The following DDB1 variants were observed in gnomAD, a reference collection of about 807,000 sequenced individuals.
DDB1 encodes the protein DNA damage-binding protein 1.
Under a neutral mutation model 133.1 loss-of-function variants are expected in DDB1, and 18 were observed. The observed-to-expected ratio is 0.14, with a 90% CI of 0.09 to 0.20. DDB1 has a LOEUF of 0.20. Ranked by LOEUF, DDB1 falls within the 10% of genes least tolerant of loss-of-function variation. The pLI is 1.00. For missense variants in DDB1, 828 were observed against 1,459.2 expected, an observed-to-expected ratio of 0.57 and a Z score of 7.05; for synonymous variants, 580 against 550.5, an observed-to-expected ratio of 1.05 and a Z score of -0.75.
chr11:61,304,747 G>A (rs1489395194), intron 21 of DDB1, among the ~76,000 whole-genome samples: 2 of 151,680 alleles, frequency 1.3e-5, no homozygotes, highest in Admixed American at 6.6e-5. Context: ...GCGTGGTGGC[G>A]GGCACCTGTA....
In DDB1 at chr11:61,299,853, G is replaced by A. The variant is rs190309211; in HGVS notation, c.*283C>T. On this transcript the variant is annotated 3_prime_UTR_variant, in exon 27 of 27. Transcript: ENST00000301764. Reference sequence around the variant, plus strand: ...CCAAAGAACTGCAAAATCCTTCCCCGGAAGGAGGACAACTGGCAACACCAA... The same window carrying A: ...CCAAAGAACTGCAAAATCCTTCCCCAGAAGGAGGACAACTGGCAACACCAA... The A allele has an allele frequency of 3.6e-5, 18 of 498,860 alleles. No homozygotes were observed. The highest frequency in any genetic ancestry group is 1.9e-4 in the South Asian group (9 of 46,820). The allele number at this position is 498,860 out of a possible 1,614,324, so 30.9% of individuals were successfully genotyped here.
At position 61,316,553 on chromosome 11, in the gene DDB1, G is replaced by A. The variant is rs769032698; in HGVS notation, c.1240C>T (p.Arg414Trp). 26 of 1,614,008 alleles carry A rather than the reference G, an allele frequency of 1.6e-5. No individual in the cohort carries two copies. Among genetic ancestry groups the A allele is most frequent in the South Asian group, 5.5e-5 (5 of 91,078 alleles). Reference protein sequence around the residue: ...LPGIKGLWPLRSDPNRETDDT... With the variant: ...LPGIKGLWPLWSDPNRETDDT... ...TCAGTCTCACGATTAGGGTCAGACCGCAGTGGCCATAATCCTGGAACAAGG... is the reference window on the plus strand; with the variant it reads ...TCAGTCTCACGATTAGGGTCAGACCACAGTGGCCATAATCCTGGAACAAGG... Residue 414 changes from arginine to tryptophan, a missense_variant, in exon 11 of 27, where the codon CGG (arginine) becomes TGG (tryptophan). This residue lies in a region of DDB1 where 35 missense variants were observed against 123.3 expected (regional missense o/e 0.28). Transcript: ENST00000301764.
intron 8 of DDB1, 160 bp from the exon 9 acceptor site, chr11:61,322,572 A>C (rs1386814512): frequency 1.6e-6 from 1 of 631,096 alleles, no homozygotes; most frequent in East Asian, 2.7e-5. Context: ...TTGACGAAAG[A>C]ATATGGTTGT....
intron 7 of DDB1, chr11:61,323,564 C>G (rs1379446842): frequency 4.0e-6 from 1 of 250,020 alleles, no homozygotes; most frequent in African/African-American, 2.2e-5. Flanking sequence ...AGGCACACAC[C>G]ACCATACCCA....
intron 6 of DDB1, chr11:61,324,378 TGTC>T (rs1856235502): frequency 4.5e-6 from 2 of 441,670 alleles, no homozygotes; most frequent in Non-Finnish European, 8.2e-6. Flanking sequence ...TTTACTGATA[TGTC>T]GTCATTCTGC....
intron 20 of DDB1, 48 bp downstream of exon 20, chr11:61,309,748 T>C (rs1426039169): frequency 1.3e-6 from 2 of 1,585,326 alleles, no homozygotes; most frequent in Non-Finnish European, 1.7e-6. Flanking sequence ...CCTGCTGACT[T>C]TCTCAGCATT....
At chr11:61,310,052 G>C (rs768004857) in intron 19 of DDB1, 92 bp from the exon 20 acceptor site, 2 of 1,519,598 alleles carry the variant, frequency 1.3e-6, no homozygotes, top group South Asian at 2.3e-5. Flanking sequence ...GGCTTAGGCA[G>C]TGACAAAGCG....
intron 6 of DDB1, 44 bp from the exon 7 acceptor site, chr11:61,324,181 T>C (rs888950016): frequency 9.3e-6 from 15 of 1,611,780 alleles, no homozygotes; most frequent in South Asian, 3.3e-5. Context: ...CAGCATCTTC[T>C]ACACCAGAAA....
chr11:61,317,663 C>G (rs190277985), intron 10 of DDB1, among the ~76,000 whole-genome samples: 140 of 151,980 alleles, frequency 9.2e-4, no homozygotes, highest in African/African-American at 3.1e-3. Context: ...CGTGTCACCA[C>G]GCCTGGCTAA....
At chr11:61,321,446 A>G (rs1423082031) in intron 10 of DDB1, 149 bp downstream of exon 10, 4 of 513,936 alleles carry the variant, frequency 7.8e-6, no homozygotes, top group Admixed American at 2.9e-5. Flanking sequence ...ATACTTTCAG[A>G]TATGTTTAAG....
chr11:61,320,364 T>A (rs1367191725), intron 10 of DDB1, among the ~76,000 whole-genome samples: 1 of 151,670 alleles, frequency 6.6e-6, no homozygotes. Context: ...CATGCCTGGC[T>A]AATTTTTTGT....
intron 7 of DDB1, 96 bp downstream of exon 7, chr11:61,323,883 T>TAACATAATTCCCAG: frequency 1.4e-6 from 2 of 1,390,822 alleles, no homozygotes; most frequent in South Asian, 2.4e-5. Flanking sequence ...AGGTGTTAAG[T>TAACATAATTCCCAG]AACATAATTC....
Position 61,299,977 on chromosome 11 carries a change from T to A in DDB1, c.*159A>T. On this transcript the variant is annotated 3_prime_UTR_variant, in exon 27 of 27. Coordinates refer to ENST00000301764, the MANE Select transcript of DDB1 (RefSeq NM_001923.5). The stretch of plus-strand genomic sequence containing the variant: ...CCTTCAGCTCATTCCCAAGTCTCTA[T>A]GAAGCCCGCCCCACTTCCACATAGG... 1 of 661,568 alleles carries A rather than the reference T, an allele frequency of 1.5e-6. No individual in the cohort carries two copies. The highest frequency in any genetic ancestry group is 2.6e-6 in the Non-Finnish European group (1 of 378,516). The allele number at this position is 661,568 out of a possible 1,614,324, so 41.0% of individuals were successfully genotyped here.
At chr11:61,331,270 AAG>A (rs1856362316) in intron 2 of DDB1, among the ~76,000 whole-genome samples, 1 of 152,174 alleles carries the variant, frequency 6.6e-6, no homozygotes, top group Non-Finnish European at 1.5e-5. Context: ...GAAAAAAGAG[AAG>A]AGTTTTTCTC....
intron 4 of DDB1, among the ~76,000 whole-genome samples, chr11:61,328,654 T>C (rs1288895348): frequency 1.3e-5 from 2 of 152,148 alleles, no homozygotes; most frequent in South Asian, 2.1e-4. Context: ...AGGCGGATCA[T>C]GAGGTCATGA....
At chr11:61,322,052 C>T in intron 9 of DDB1, 2 of 548,046 alleles carry the variant, frequency 3.6e-6, no homozygotes, top group Non-Finnish European at 6.5e-6. Flanking sequence ...TAATTTTCCT[C>T]ACTTCTGAGA....
chr11:61,314,713 G>GGT (rs1425753234), intron 12 of DDB1: 2 of 466,038 alleles, frequency 4.3e-6, no homozygotes, highest in Non-Finnish European at 7.5e-6. Flanking sequence ...ACCTACAGCT[G>GGT]GTGGGGAAAA....
rs762451165 is a variant in DDB1, at chr11:61,329,939, C to A, written c.327+19G>T. 1 of 1,600,752 alleles carries A rather than the reference C, an allele frequency of 6.2e-7. No homozygotes were observed. The highest frequency in any genetic ancestry group is 8.6e-7 in the Non-Finnish European group (1 of 1,169,504). ...GCCCTACTTAGAAAACTTTCATTGGCCTAAAGCAGCCACCTCACCTGGACA... is the reference window on the plus strand; with the variant it reads ...GCCCTACTTAGAAAACTTTCATTGGACTAAAGCAGCCACCTCACCTGGACA... On this transcript the variant is annotated intron_variant, in intron 3 of 26. Coordinates refer to ENST00000301764, the MANE Select transcript of DDB1 (RefSeq NM_001923.5).
At chr11:61,308,854 T>A in intron 21 of DDB1, 129 bp downstream of exon 21, 1 of 880,540 alleles carries the variant, frequency 1.1e-6, no homozygotes, top group Non-Finnish European at 1.8e-6. Flanking sequence ...CAGAGCTCTA[T>A]CCTCCACACC....
Sources: allele counts gnomAD v4.1 joint callset (sites outside exome capture counted in the v4.1 genomes callset), GRCh38; gene constraint gnomAD v4.1.1; regional missense constraint gnomAD v4.1.1; transcripts MANE v1.5; gene names NCBI Gene and HGNC (gene_info 2026-07-23, HGNC 2026-07-21).